Variants in KDM6A observed in about 807,000 individuals in gnomAD.
KDM6A encodes the protein lysine demethylase 6A, also known as lysine-specific demethylase 6A.
Under a neutral mutation model 117.6 loss-of-function variants are expected in KDM6A, and 11 were observed. That is an observed-to-expected ratio of 0.09 (90% confidence interval 0.06 to 0.15). The LOEUF is 0.15. Among genes scored for constraint, KDM6A ranks in the 10% least tolerant of loss-of-function variants. The pLI is 1.00. For synonymous variants in KDM6A, 384 were observed against 396.1 expected (o/e 0.97, Z 0.36); for missense variants, 799 against 1,077.3 (o/e 0.74, Z 3.62).
intron 25 of KDM6A, among the ~76,000 whole-genome samples, chrX:45,086,525 G>C (rs1013652595): frequency 9.0e-6 from 1 of 111,561 alleles, no homozygotes; most frequent in Non-Finnish European, 1.9e-5. Context: ...TTGAACTCCT[G>C]AGCTCAGGCG....
At chrX:44,982,921 G>A (rs1327498822) in intron 4 of KDM6A, among the ~76,000 whole-genome samples, 1 of 111,611 alleles carries the variant, frequency 9.0e-6, no homozygotes, top group African/African-American at 3.3e-5. Context: ...AATATATTCA[G>A]TATTTAAATG....
chrX:44,874,994 C>T (rs1026530476), intron 2 of KDM6A, among the ~76,000 whole-genome samples: 4 of 112,351 alleles, frequency 3.6e-5, no homozygotes, highest in African/African-American at 1.3e-4. Context: ...AGTTATCCAT[C>T]TGTAAGCTAT....
intron 2 of KDM6A, among the ~76,000 whole-genome samples, chrX:44,882,505 A>C (rs956944236): frequency 2.7e-5 from 3 of 112,178 alleles, no homozygotes; most frequent in African/African-American, 9.7e-5. Context: ...AGTAGAAAAC[A>C]TGTTTAGCTG....
chrX:44,926,279 G>C (rs754800113), intron 2 of KDM6A, among the ~76,000 whole-genome samples: 5 of 111,179 alleles, frequency 4.5e-5, no homozygotes, highest in South Asian at 3.8e-4. Context: ...GGTCATGTTC[G>C]CCAAGCTGGT....
chrX:44,917,080 C>T (rs1204066433), intron 2 of KDM6A, among the ~76,000 whole-genome samples: 1 of 104,670 alleles, frequency 9.6e-6, no homozygotes, highest in African/African-American at 3.6e-5. Flanking sequence ...GGCTAGAGTG[C>T]TGTGGCCCGA....
chrX:45,048,895 T>TTTTTTTTTTTTTTTTGAGACGG (rs2043705649), intron 8 of KDM6A, among the ~76,000 whole-genome samples: 1 of 110,169 alleles, frequency 9.1e-6, no homozygotes, highest in African/African-American at 3.4e-5. Context: ...GTTACTTTTT[T>TTTTTTTTTTTTTTTTGAGACGG]ACACATCGTT....
At chrX:45,064,611 A>G (rs149493628) in intron 17 of KDM6A, among the ~76,000 whole-genome samples, 4,283 of 111,802 alleles carry the variant, frequency 0.038, 220 homozygotes, top group African/African-American at 0.13. Flanking sequence ...TGATATGGGT[A>G]CTCGCTGAGG....
intron 27 of KDM6A, among the ~76,000 whole-genome samples, chrX:45,094,617 G>C (rs1480229229): frequency 8.9e-6 from 1 of 111,780 alleles, no homozygotes; most frequent in African/African-American, 3.3e-5. Context: ...AATAACTTCA[G>C]TCTTCAACCG....
chrX:44,960,921 G>C (rs2038634276), intron 2 of KDM6A, among the ~76,000 whole-genome samples: 1 of 111,984 alleles, frequency 8.9e-6, no homozygotes, highest in Admixed American at 9.5e-5. Context: ...CTGTGGGAAA[G>C]ATGCATATTA....
intron 2 of KDM6A, among the ~76,000 whole-genome samples, chrX:44,909,248 C>G (rs762913864): frequency 2.7e-5 from 3 of 111,943 alleles, no homozygotes; most frequent in Non-Finnish European, 5.6e-5. Flanking sequence ...ATTTGAGATT[C>G]ATCCTTCTTA....
At chrX:44,959,668 G>A (rs748732963) in intron 2 of KDM6A, among the ~76,000 whole-genome samples, 3 of 110,911 alleles carry the variant, frequency 2.7e-5, no homozygotes, top group Non-Finnish European at 5.7e-5. Context: ...TCCCAATAAT[G>A]TTATGAATTT....
intron 4 of KDM6A, among the ~76,000 whole-genome samples, chrX:44,985,579 A>G (rs1382376242): frequency 9.0e-6 from 1 of 111,506 alleles, no homozygotes; most frequent in Non-Finnish European, 1.9e-5. Context: ...TTTGAGATAC[A>G]TCCCATCAAT....
At chrX:45,083,754 T>A (rs2045522408) in intron 24 of KDM6A, 146 bp downstream of exon 24, 6 of 515,213 alleles carry the variant, frequency 1.2e-5, no homozygotes, top group Non-Finnish European at 1.9e-5. Context: ...GGGCTCAGAT[T>A]AAGATTTTTC....
At chrX:44,956,846 G>A (rs1371810113) in intron 2 of KDM6A, among the ~76,000 whole-genome samples, 1 of 111,207 alleles carries the variant, frequency 9.0e-6, no homozygotes, top group East Asian at 2.8e-4. Flanking sequence ...ATTACGGGTA[G>A]GGCTCATAAT....
rs2147985218 is a variant in KDM6A at position 45,062,706 on chromosome X, G to A, written c.1641G>A (p.Leu547=). Reference sequence around the variant, plus strand: ...TAAATCCAGCACAGAAACTGATGCTGGAACAGCTGGAAAGTCAGTTTGTCT... The same window carrying A: ...TAAATCCAGCACAGAAACTGATGCTAGAACAGCTGGAAAGTCAGTTTGTCT... ...NNLNPAQKLM[L]EQLESQFVLM... The change falls in exon 16 of 30, where the codon CTG becomes CTA. Residue 547 remains leucine, a synonymous_variant. Transcript: ENST00000611820. The A allele has an allele frequency of 1.7e-6, 2 of 1,205,725 alleles. No individual in the cohort carries two copies. The highest frequency in any genetic ancestry group is 2.2e-6 in the Non-Finnish European group (2 of 890,056).
intron 27 of KDM6A, among the ~76,000 whole-genome samples, chrX:45,096,581 G>A (rs771113020): frequency 3.6e-5 from 4 of 112,100 alleles, no homozygotes; most frequent in African/African-American, 9.7e-5. Context: ...CTACAGCTTC[G>A]CAGTCTCTTA....
intron 2 of KDM6A, among the ~76,000 whole-genome samples, chrX:44,954,695 G>A (rs2038218675): frequency 9.0e-6 from 1 of 110,817 alleles, no homozygotes; most frequent in Non-Finnish European, 1.9e-5. Context: ...GTGTAGGCTG[G>A]GACTGGAGCC....
intron 18 of KDM6A, among the ~76,000 whole-genome samples, chrX:45,072,776 A>G (rs904015400): frequency 9.1e-6 from 1 of 109,720 alleles, no homozygotes; most frequent in African/African-American, 3.3e-5. Flanking sequence ...CCATGGAGCT[A>G]TGTTCTGTTC....
chrX:44,988,977 T>C (rs1239280563), intron 4 of KDM6A, among the ~76,000 whole-genome samples: 5 of 109,365 alleles, frequency 4.6e-5, no homozygotes, highest in Non-Finnish European at 9.5e-5. Flanking sequence ...TCTGCTGCCT[T>C]TTGTTTGGCT....
Sources: gnomAD v4.1 joint callset for allele counts (sites outside exome capture counted in the v4.1 genomes callset) on GRCh38, gnomAD v4.1.1 for gene constraint, MANE v1.5 for transcripts, NCBI Gene and HGNC (gene_info 2026-07-23, HGNC 2026-07-21) for gene names.